LAMA2: variants seen among roughly 807,000 people sequenced by gnomAD.
The protein encoded by LAMA2 is laminin subunit alpha-2.
In LAMA2, 269 loss-of-function variants were observed where a neutral mutation model predicts 364.8. That is an observed-to-expected ratio of 0.74 (90% CI 0.67 to 0.82). LAMA2 has a LOEUF of 0.82. Among genes scored for constraint, LAMA2 ranks in the 40% least tolerant of loss-of-function variants. The pLI, the probability that LAMA2 is intolerant of heterozygous loss-of-function variation, is 0.00. For missense variants in LAMA2, 3,807 were observed against 3,873.2 expected, an observed-to-expected ratio of 0.98 and a Z score of 0.45; for synonymous variants, 1,379 against 1,370.6, an observed-to-expected ratio of 1.01 and a Z score of -0.14.
chr6:129,104,388 A>C (rs1353010443), intron 4 of LAMA2, among the ~76,000 whole-genome samples: 1 of 152,212 alleles, frequency 6.6e-6, no homozygotes, highest in Non-Finnish European at 1.5e-5. Context: ...GTTAGACAAC[A>C]ATGTTCATGT....
At chr6:128,902,656 C>T (rs757459504) in intron 1 of LAMA2, among the ~76,000 whole-genome samples, 4 of 152,052 alleles carry the variant, frequency 2.6e-5, no homozygotes, top group Non-Finnish European at 4.4e-5. Context: ...AAGTAGGGTG[C>T]GCTACGCAAA....
chr6:129,341,916 G>A (rs1306532345), intron 29 of LAMA2, among the ~76,000 whole-genome samples: 1 of 152,232 alleles, frequency 6.6e-6, no homozygotes, highest in Non-Finnish European at 1.5e-5. Flanking sequence ...CCACTAGTGG[G>A]CATGTGCCAA....
At chr6:128,946,413 G>A (rs1368039623) in intron 1 of LAMA2, among the ~76,000 whole-genome samples, 1 of 152,182 alleles carries the variant, frequency 6.6e-6, no homozygotes, top group African/African-American at 2.4e-5. Context: ...AACATGTGGT[G>A]GACTGGGATC....
At chr6:129,358,391 C>A (rs776808787) in intron 32 of LAMA2, among the ~76,000 whole-genome samples, 2 of 151,998 alleles carry the variant, frequency 1.3e-5, no homozygotes, top group Non-Finnish European at 2.9e-5. Context: ...TTGTTTTCAG[C>A]AAGTTTTATT....
intron 29 of LAMA2, among the ~76,000 whole-genome samples, chr6:129,336,557 A>G (rs892646942): frequency 6.6e-6 from 1 of 152,226 alleles, no homozygotes; most frequent in Non-Finnish European, 1.5e-5. Context: ...TATGAGATAG[A>G]CAAGATTATT....
chr6:129,028,953 G>T (rs1016811196), intron 1 of LAMA2, among the ~76,000 whole-genome samples: 2 of 151,752 alleles, frequency 1.3e-5, no homozygotes, highest in African/African-American at 4.8e-5. Flanking sequence ...TGGCTGTCTT[G>T]ACATGCCCAA....
intron 1 of LAMA2, among the ~76,000 whole-genome samples, chr6:128,915,649 G>GTCTT (rs1778263832): frequency 6.6e-6 from 1 of 152,296 alleles, no homozygotes; most frequent in African/African-American, 2.4e-5. Flanking sequence ...ACTTGGCAGT[G>GTCTT]TCTTATATAA....
At chr6:129,423,529 C>CA (rs570116269) in intron 40 of LAMA2, among the ~76,000 whole-genome samples, 12 of 148,308 alleles carry the variant, frequency 8.1e-5, no homozygotes, top group African/African-American at 2.0e-4. Context: ...TCTCTACAAC[C>CA]AAAAAAAAAG....
At chr6:129,421,825 C>T (rs79572198) in intron 40 of LAMA2, among the ~76,000 whole-genome samples, 1,634 of 152,158 alleles carry the variant, frequency 0.011, 14 homozygotes, top group South Asian at 0.022. Flanking sequence ...GATTTTTAAC[C>T]TCTCAATTCC....
chr6:129,443,091 A>C, intron 44 of LAMA2, 23 bp downstream of exon 44: 1 of 1,571,382 alleles, frequency 6.4e-7, no homozygotes, highest in East Asian at 2.3e-5. Context: ...TTACTTATAT[A>C]CCTTTTAGTA....
At chr6:129,008,158 A>G (rs1441063500) in intron 1 of LAMA2, among the ~76,000 whole-genome samples, 1 of 152,212 alleles carries the variant, frequency 6.6e-6, no homozygotes, top group Non-Finnish European at 1.5e-5. Context: ...CATTAACTGC[A>G]CAATGGGATA....
At chr6:129,113,733 G>A (rs1309546690) in intron 4 of LAMA2, among the ~76,000 whole-genome samples, 2 of 151,938 alleles carry the variant, frequency 1.3e-5, no homozygotes, top group Non-Finnish European at 2.9e-5. Flanking sequence ...AGTGTCCTGG[G>A]CAACATAAAG....
At chr6:129,087,230 A>G (rs1278815230) in intron 3 of LAMA2, among the ~76,000 whole-genome samples, 1 of 152,208 alleles carries the variant, frequency 6.6e-6, no homozygotes, top group Non-Finnish European at 1.5e-5. Context: ...TCAATTTTCT[A>G]ATCAGTTACT....
intron 33 of LAMA2, among the ~76,000 whole-genome samples, chr6:129,368,619 GA>G (rs1322120168): frequency 6.6e-6 from 1 of 152,200 alleles, no homozygotes; most frequent in African/African-American, 2.4e-5. Context: ...AATGGATGAT[GA>G]AGTAAAGAGG....
At position 129,176,904 on chromosome 6, in the gene LAMA2, A is replaced by G. The variant is rs569292676; in HGVS notation, c.1307-802A>G. 2.2e-4 allele frequency among the ~76,000 whole-genome samples: 33 copies of G among 152,140 alleles called. No individual in the cohort carries two copies. In the South Asian group the frequency reaches 5.2e-3, roughly 24 times the overall value. ...AGTATGTATTTAGTATGCATTTCTGACACTAATTCTGTCATTCTGCTTTTT... is the reference window on the plus strand; with the variant it reads ...AGTATGTATTTAGTATGCATTTCTGGCACTAATTCTGTCATTCTGCTTTTT... On this transcript the variant is annotated intron_variant, in intron 9 of 64. Coordinates refer to ENST00000421865, the MANE Select transcript of LAMA2 (RefSeq NM_000426.4).
intron 61 of LAMA2, 104 bp from the exon 62 acceptor site, chr6:129,507,385 C>A: frequency 2.4e-6 from 3 of 1,230,808 alleles, no homozygotes; most frequent in Non-Finnish European, 3.6e-6. Flanking sequence ...CCTAAGACAA[C>A]TGGATAACTA....
At chr6:129,405,141 T>A (rs1428582765) in intron 40 of LAMA2, among the ~76,000 whole-genome samples, 2 of 152,150 alleles carry the variant, frequency 1.3e-5, no homozygotes, top group African/African-American at 4.8e-5. Context: ...TTAAAGACCC[T>A]AATTTCAAGT....
intron 3 of LAMA2, among the ~76,000 whole-genome samples, chr6:129,081,282 C>A (rs1340679340): frequency 6.6e-6 from 1 of 151,932 alleles, no homozygotes; most frequent in Non-Finnish European, 1.5e-5. Context: ...TTAGGAGATA[C>A]ACCTAATGTA....
intron 1 of LAMA2, among the ~76,000 whole-genome samples, chr6:128,911,550 T>G (rs1374118615): frequency 1.3e-5 from 2 of 152,142 alleles, no homozygotes; most frequent in Non-Finnish European, 1.5e-5. Context: ...CATTCCTTAG[T>G]GAGATGAACC....
Sources: allele counts gnomAD v4.1 joint callset (sites outside exome capture counted in the v4.1 genomes callset), GRCh38; gene constraint gnomAD v4.1.1; transcripts MANE v1.5; gene names NCBI Gene and HGNC (gene_info 2026-07-23, HGNC 2026-07-21).